GALNT13: variants seen among roughly 807,000 people sequenced by gnomAD.
GALNT13 encodes UDP-GalNAc:polypeptide N-acetylgalactosaminyltransferase 13.
In GALNT13, 28 loss-of-function variants were observed where a neutral mutation model predicts 64.2. That is an observed-to-expected ratio of 0.44 (90% CI 0.32 to 0.60). The LOEUF (loss-of-function observed/expected upper bound fraction) is 0.60, where lower values mean the gene tolerates loss of function less well. GALNT13 is among the 20% of genes least tolerant of loss of function. GALNT13 has a pLI of 0.05. For missense variants in GALNT13, 577 were observed against 669.8 expected, an observed-to-expected ratio of 0.86 and a Z score of 1.53; for synonymous variants, 214 against 224.6, an observed-to-expected ratio of 0.95 and a Z score of 0.42.
chr2:153,162,886 G>A, the GALNT13 span, among the ~76,000 whole-genome samples: 1 of 152,150 alleles, frequency 6.6e-6, no homozygotes, highest in East Asian at 1.9e-4. Flanking sequence ...ATGCTGAGGT[G>A]ACATCAACCC....
At chr2:153,346,846 C>T in the GALNT13 span, among the ~76,000 whole-genome samples, 1 of 152,098 alleles carries the variant, frequency 6.6e-6, no homozygotes, top group Non-Finnish European at 1.5e-5. Context: ...AATTCTATAT[C>T]ATAGGTGTCA....
At chr2:154,391,288 G>T (rs189830423) in intron 9 of GALNT13, among the ~76,000 whole-genome samples, 20 of 152,258 alleles carry the variant, frequency 1.3e-4, no homozygotes, top group Non-Finnish European at 2.5e-4. Flanking sequence ...GCCCATTCCT[G>T]AGTCAGTCAT....
At chr2:154,023,440 A>C (rs1359476009) in intron 3 of GALNT13, among the ~76,000 whole-genome samples, 4 of 152,152 alleles carry the variant, frequency 2.6e-5, no homozygotes, top group African/African-American at 9.7e-5. Context: ...TCCCTTTACC[A>C]TTATGTGATG....
intron 1 of GALNT13, among the ~76,000 whole-genome samples, chr2:153,898,881 G>A (rs1688048812): frequency 6.7e-6 from 1 of 150,266 alleles, no homozygotes; most frequent in Admixed American, 6.6e-5. Flanking sequence ...AAAAATGATG[G>A]CAATTCTTAA....
chr2:153,402,593 A>G, the GALNT13 span, among the ~76,000 whole-genome samples: 6 of 152,062 alleles, frequency 3.9e-5, no homozygotes. Flanking sequence ...GTCTTTTCAC[A>G]TAGTCCCATA....
At chr2:153,194,834 T>C in the GALNT13 span, among the ~76,000 whole-genome samples, 1 of 152,170 alleles carries the variant, frequency 6.6e-6, no homozygotes, top group Non-Finnish European at 1.5e-5. Flanking sequence ...TATGATTACT[T>C]TGGCTGTAAA....
intron 3 of GALNT13, among the ~76,000 whole-genome samples, chr2:154,119,682 C>T (rs1681820496): frequency 6.6e-6 from 1 of 152,038 alleles, no homozygotes; most frequent in African/African-American, 2.4e-5. Context: ...ACTCACTGAT[C>T]CTTTGATTTG....
chr2:153,586,930 A>G, the GALNT13 span, among the ~76,000 whole-genome samples: 1 of 152,292 alleles, frequency 6.6e-6, no homozygotes, highest in East Asian at 1.9e-4. Flanking sequence ...CTGAATGATC[A>G]TTGGGTCAAT....
intron 3 of GALNT13, among the ~76,000 whole-genome samples, chr2:154,036,212 A>G (rs1162607154): frequency 1.3e-5 from 2 of 152,110 alleles, no homozygotes; most frequent in African/African-American, 4.8e-5. Flanking sequence ...GACTTCTTAA[A>G]TCATAAAGTG....
chr2:153,635,489 C>T, the GALNT13 span, among the ~76,000 whole-genome samples: 2 of 126,750 alleles, frequency 1.6e-5, no homozygotes, highest in African/African-American at 5.8e-5. Context: ...ACTTACCTTT[C>T]AGTCTTCAAG....
chr2:154,385,062 TATC>T (rs1698444843), intron 9 of GALNT13, among the ~76,000 whole-genome samples: 1 of 151,974 alleles, frequency 6.6e-6, no homozygotes, highest in African/African-American at 2.4e-5. Context: ...AATGGTAAGA[TATC>T]ATTGATTATA....
chr2:153,488,371 T>G, the GALNT13 span, among the ~76,000 whole-genome samples: 2 of 152,198 alleles, frequency 1.3e-5, no homozygotes, highest in Non-Finnish European at 1.5e-5. Flanking sequence ...TAGGGTGTTC[T>G]TTTAGACACT....
At chr2:153,744,308 G>A in the GALNT13 span, among the ~76,000 whole-genome samples, 1 of 152,006 alleles carries the variant, frequency 6.6e-6, no homozygotes, top group Non-Finnish European at 1.5e-5. Flanking sequence ...ATGTGCAAGG[G>A]TTCCCTTTTC....
chr2:153,648,151 G>T, the GALNT13 span, among the ~76,000 whole-genome samples: 3 of 152,120 alleles, frequency 2.0e-5, no homozygotes, highest in African/African-American at 7.2e-5. Context: ...TTGAGCAGTG[G>T]TTTGTAGTTC....
chr2:154,021,232 G>T (rs1317615491), intron 3 of GALNT13, among the ~76,000 whole-genome samples: 1 of 152,104 alleles, frequency 6.6e-6, no homozygotes, highest in Non-Finnish European at 1.5e-5. Flanking sequence ...TTCCAATTCT[G>T]TGAAGAAAGT....
intron 3 of GALNT13, among the ~76,000 whole-genome samples, chr2:153,963,765 G>A (rs901288247): frequency 6.7e-6 from 1 of 149,828 alleles, no homozygotes; most frequent in East Asian, 2.0e-4. Context: ...GTGTGTGTGT[G>A]TGTGTGTGTG....
the GALNT13 span, among the ~76,000 whole-genome samples, chr2:153,417,280 A>T: frequency 0.046 from 7,013 of 152,298 alleles, 238 homozygotes; most frequent in South Asian, 0.15. Context: ...ACCAAATGAA[A>T]TTATGGGAGA....
the GALNT13 span, among the ~76,000 whole-genome samples, chr2:153,405,470 C>T: frequency 0.014 from 2,069 of 152,272 alleles, 28 homozygotes; most frequent in African/African-American, 0.046. Flanking sequence ...TAGTGAAGGA[C>T]ACTCTGAGCA....
the GALNT13 span, among the ~76,000 whole-genome samples, chr2:153,375,710 G>C: frequency 5.3e-5 from 8 of 152,296 alleles, no homozygotes; most frequent in South Asian, 2.1e-4. Context: ...GAGGCATTCA[G>C]ACTATGTGGT....
Sources: allele counts gnomAD v4.1 joint callset (sites outside exome capture counted in the v4.1 genomes callset), GRCh38; gene constraint gnomAD v4.1.1; transcripts MANE v1.5; gene names NCBI Gene and HGNC (gene_info 2026-07-23, HGNC 2026-07-21).